The following SMURF1 variants were observed in gnomAD, a reference collection of about 807,000 sequenced individuals.
SMURF1 encodes E3 ubiquitin-protein ligase SMURF1.
A neutral mutation model predicts 98.0 loss-of-function variants in SMURF1; 44 were observed. The observed-to-expected ratio is 0.45, with a 90% confidence interval of 0.35 to 0.58. The LOEUF (loss-of-function observed/expected upper bound fraction) is 0.58, where lower values mean the gene tolerates loss of function less well. Among genes scored for constraint, SMURF1 ranks in the 20% least tolerant of loss-of-function variants. SMURF1 has a pLI of 0.00. For missense variants in SMURF1, 687 were observed against 938.4 expected (o/e 0.73, Z 3.50); for synonymous variants, 396 against 374.9 (o/e 1.06, Z -0.65).
chr7:99,077,090 A>C (rs960406713), intron 1 of SMURF1, among the ~76,000 whole-genome samples: 1 of 151,926 alleles, frequency 6.6e-6, no homozygotes, highest in Non-Finnish European at 1.5e-5. Flanking sequence ...AAGAGTCTGG[A>C]ATGATGTCAA....
Position 99,057,419 on chromosome 7 carries a change from T to G in SMURF1, c.336A>C (p.Gly112=), listed in dbSNP as rs748713421. 1 of 1,612,002 alleles carries G rather than the reference T, an allele frequency of 6.2e-7. No homozygotes were observed. The highest frequency in any genetic ancestry group is 1.3e-5 in the African/African-American group (1 of 74,660). ...GGCAGGAAAGTGTTTGGTTCTTACA[T>G]CCGGTATCTTTTAATCTGCTGATGG... ...SNAISRLKDT[G]YQRLDLCKLN... Residue 112 remains glycine (G), a splice_region_variant and synonymous_variant, in exon 4 of 18, where the codon GGA becomes GGC. Coordinates refer to ENST00000361368, the MANE Select transcript of SMURF1 (RefSeq NM_181349.3).
rs995704479 is a variant in SMURF1 at position 99,143,870 on chromosome 7, C to T, written c.-90G>A. On this transcript the variant is annotated 5_prime_UTR_variant, in exon 1 of 18. Coordinates refer to ENST00000361368, the MANE Select transcript of SMURF1 (RefSeq NM_181349.3). ...CCCCGCCGCCGCCGCCTCAAGGTTA[C>T]GGCTCCGGGCTGGGCGCCGGGGTCC... 9.0e-6 allele frequency: 11 copies of T among 1,224,368 alleles called. No individual in the cohort carries two copies. Among genetic ancestry groups the T allele is most frequent in the Non-Finnish European group, 8.6e-6 (8 of 930,204 alleles). The allele number at this position is 1,224,368 out of a possible 1,614,324, so 75.8% of individuals were successfully genotyped here.
intron 17 of SMURF1, 70 bp downstream of exon 17, chr7:99,032,964 CAAA>C (rs139310092): frequency 8.4e-6 from 11 of 1,308,816 alleles, no homozygotes; most frequent in Non-Finnish European, 1.1e-5. Flanking sequence ...AAAAAAACAA[CAAA>C]AAAAAAACGT....
chr7:99,129,701 T>C (rs1177443680), intron 1 of SMURF1, among the ~76,000 whole-genome samples: 1 of 152,140 alleles, frequency 6.6e-6, no homozygotes, highest in Non-Finnish European at 1.5e-5. Context: ...CTTCCCCCAT[T>C]TTTATAGCTA....
chr7:99,128,906 T>C (rs1334370469), intron 1 of SMURF1, among the ~76,000 whole-genome samples: 6 of 152,274 alleles, frequency 3.9e-5, no homozygotes, highest in East Asian at 3.8e-4. Flanking sequence ...TTAGGTGTTA[T>C]ATAATCCATT....
chr7:99,143,651 C>T, intron 1 of SMURF1, 75 bp downstream of exon 1: 1 of 1,365,412 alleles, frequency 7.3e-7, no homozygotes, highest in Non-Finnish European at 9.8e-7. Context: ...GGGCCGCTTC[C>T]AAGGGCGCCC....
chr7:99,126,361 T>G (rs2150632303), intron 1 of SMURF1, among the ~76,000 whole-genome samples: 1 of 152,206 alleles, frequency 6.6e-6, no homozygotes, highest in African/African-American at 2.4e-5. Flanking sequence ...TTTTTTTTTT[T>G]TTAATTATGG....
chr7:99,101,629 C>A (rs1246573854), intron 1 of SMURF1, among the ~76,000 whole-genome samples: 1 of 152,148 alleles, frequency 6.6e-6, no homozygotes, highest in Admixed American at 6.5e-5. Context: ...ATTTTAATCT[C>A]ACCCTCAAGG....
intron 1 of SMURF1, among the ~76,000 whole-genome samples, chr7:99,108,208 T>C (rs1056787087): frequency 6.6e-6 from 1 of 152,048 alleles, no homozygotes; most frequent in Non-Finnish European, 1.5e-5. Context: ...TGTTACGCCC[T>C]TGCACTAAAG....
At chr7:99,041,922 G>A (rs1364326617) in intron 12 of SMURF1, among the ~76,000 whole-genome samples, 196 bp downstream of exon 12, 1 of 152,184 alleles carries the variant, frequency 6.6e-6, no homozygotes, top group Non-Finnish European at 1.5e-5. Flanking sequence ...AGCACACCCA[G>A]TGATCACGAT....
Position 99,053,446 on chromosome 7 carries a change from A to G in SMURF1, c.480-1000T>C, listed in dbSNP as rs114823259. Reference sequence around the variant, plus strand: ...AAAAATGTTCATTAATTTTTTAAAAAAATCAAATACCGGTGTTCAGATTTC... The same window carrying G: ...AAAAATGTTCATTAATTTTTTAAAAGAATCAAATACCGGTGTTCAGATTTC... On this transcript the variant is annotated intron_variant, in intron 6 of 17. Transcript: ENST00000361368. Among the ~76,000 whole-genome samples the G allele has an allele frequency of 5.8e-4, 89 of 152,302 alleles. No homozygotes were observed. The Middle Eastern group carries it at 0.01, about 17-fold the overall frequency.
At chr7:99,116,254 T>G (rs916936082) in intron 1 of SMURF1, among the ~76,000 whole-genome samples, 9 of 151,528 alleles carry the variant, frequency 5.9e-5, no homozygotes, top group African/African-American at 2.2e-4. Context: ...AATATCAACA[T>G]CCTTGGAATA....
chr7:99,050,895 G>A (rs74768427), intron 8 of SMURF1: 4 of 56,652 alleles, frequency 7.1e-5, no homozygotes, highest in East Asian at 1.1e-3. Flanking sequence ...GTTATGGGGT[G>A]GGGGGGGGGT....
Position 99,054,351 on chromosome 7 carries a change from G to C in SMURF1, c.479+439C>G, listed in dbSNP as rs565371133. On this transcript the variant is annotated intron_variant, in intron 6 of 17. Coordinates refer to ENST00000361368, the MANE Select transcript of SMURF1 (RefSeq NM_181349.3). Reference sequence around the variant, plus strand: ...AGACAGAGTCTTGCTCTGTCACCCAGGCTGGAGTGCAGTGGCATGATCTTG... The same window carrying C: ...AGACAGAGTCTTGCTCTGTCACCCACGCTGGAGTGCAGTGGCATGATCTTG... Among the ~76,000 whole-genome samples, 3 of 152,172 alleles carry C rather than the reference G, an allele frequency of 2.0e-5. No individual in the cohort carries two copies. In the South Asian group the frequency reaches 6.2e-4, roughly 32 times the overall value.
At chr7:99,047,962 AGAG>A in intron 9 of SMURF1, 80 bp from the exon 10 acceptor site, 1 of 1,302,380 alleles carries the variant, frequency 7.7e-7, no homozygotes, top group Non-Finnish European at 1.1e-6. Flanking sequence ...CGACAGGGTC[AGAG>A]GAGAGAGCTA....
At position 99,081,884 on chromosome 7, in the gene SMURF1, C is replaced by T. The variant is rs184751221; in HGVS notation, c.56-20047G>A. Among the ~76,000 whole-genome samples, 126 of 152,324 alleles carry T rather than the reference C, an allele frequency of 8.3e-4. 1 individual carries two copies. Among genetic ancestry groups the T allele is most frequent in the African/African-American group, 2.8e-3 (116 of 41,568 alleles). On this transcript the variant is annotated intron_variant, in intron 1 of 17. Coordinates refer to ENST00000361368, the MANE Select transcript of SMURF1 (RefSeq NM_181349.3). ...GCCAGGCTGGTCTCGAACTCCTAAC[C>T]TCAGGTGATCCACCTGCCTTGGCCT...
intron 1 of SMURF1, among the ~76,000 whole-genome samples, chr7:99,077,725 C>G (rs1319298698): frequency 6.6e-6 from 1 of 152,046 alleles, no homozygotes; most frequent in Non-Finnish European, 1.5e-5. Context: ...GTGATTTCCA[C>G]CATCAGGCAA....
At chr7:99,127,390 T>C (rs1315893037) in intron 1 of SMURF1, among the ~76,000 whole-genome samples, 1 of 151,932 alleles carries the variant, frequency 6.6e-6, no homozygotes, top group Non-Finnish European at 1.5e-5. Flanking sequence ...AACACAAGAA[T>C]ACCATGGTAA....
rs146471457 is a variant in SMURF1, at chr7:99,111,923, A to C, written c.55+31803T>G. On this transcript the variant is annotated intron_variant, in intron 1 of 17. Coordinates refer to ENST00000361368, the MANE Select transcript of SMURF1 (RefSeq NM_181349.3). ...GGCTAAGGTAGATATCAAGGGTAGA[A>C]GTGTGGGAGTGGTAGAGGTCTACAG... is the stretch of plus-strand genomic sequence containing the variant. Among the ~76,000 whole-genome samples the C allele has an allele frequency of 8.7e-4, 132 of 152,288 alleles. 1 individual carries two copies. The East Asian group carries it at 0.023, about 26-fold the overall frequency.
Sources: allele counts gnomAD v4.1 joint callset (sites outside exome capture counted in the v4.1 genomes callset), GRCh38; gene constraint gnomAD v4.1.1; transcripts MANE v1.5; gene names NCBI Gene and HGNC (gene_info 2026-07-23, HGNC 2026-07-21).